Variants in CADM2 observed in about 807,000 individuals in gnomAD.
The protein encoded by CADM2 is cell adhesion molecule 2.
CADM2 carries 12 observed loss-of-function variants against 49.8 expected under a neutral mutation model. The observed-to-expected ratio is 0.24, with a 90% CI of 0.15 to 0.39. The LOEUF is 0.39. CADM2 is among the 10% of genes least tolerant of loss of function. The pLI is 1.00. For missense variants in CADM2, 378 were observed against 492.3 expected, an observed-to-expected ratio of 0.77 and a Z score of 2.20; for synonymous variants, 214 against 175.4, an observed-to-expected ratio of 1.22 and a Z score of -1.74.
At chr3:85,729,274 CT>C (rs1277345236) in intron 2 of CADM2, among the ~76,000 whole-genome samples, 2 of 152,106 alleles carry the variant, frequency 1.3e-5, no homozygotes, top group African/African-American at 2.4e-5. Flanking sequence ...TTCAGGTTGT[CT>C]TTGATTCTTG....
chr3:85,926,347 C>T (rs1471386791), intron 6 of CADM2, among the ~76,000 whole-genome samples: 1 of 151,960 alleles, frequency 6.6e-6, no homozygotes, highest in Admixed American at 6.6e-5. Flanking sequence ...AATTGCTATT[C>T]TCCGTTCCTC....
At chr3:85,689,318 AT>A (rs1359249869) in intron 1 of CADM2, among the ~76,000 whole-genome samples, 3 of 152,194 alleles carry the variant, frequency 2.0e-5, no homozygotes, top group African/African-American at 7.2e-5. Context: ...ATTGTATATA[AT>A]TTTTATCTCT....
At chr3:85,106,275 G>A (rs2038222933) in intron 1 of CADM2, among the ~76,000 whole-genome samples, 1 of 152,040 alleles carries the variant, frequency 6.6e-6, no homozygotes, top group Admixed American at 6.6e-5. Context: ...TGTGAATGGG[G>A]CAGATGAAAG....
chr3:85,458,104 C>T (rs559586768), intron 1 of CADM2, among the ~76,000 whole-genome samples: 16 of 152,276 alleles, frequency 1.1e-4, no homozygotes, highest in African/African-American at 3.1e-4. Context: ...AGGAAGCAAA[C>T]GCTTGTTCTT....
intron 8 of CADM2, among the ~76,000 whole-genome samples, chr3:86,050,069 T>A (rs981223700): frequency 2.0e-5 from 3 of 152,186 alleles, no homozygotes; most frequent in Admixed American, 1.3e-4. Context: ...AAGTCTCTTC[T>A]GCCTATGAGC....
chr3:85,118,652 C>T (rs530294118), intron 1 of CADM2, among the ~76,000 whole-genome samples: 1 of 152,242 alleles, frequency 6.6e-6, no homozygotes, highest in East Asian at 1.9e-4. Context: ...AGCTACAATT[C>T]AAGACAAGAT....
chr3:85,005,254 A>G (rs1413551547), intron 1 of CADM2, among the ~76,000 whole-genome samples: 1 of 152,166 alleles, frequency 6.6e-6, no homozygotes, highest in Non-Finnish European at 1.5e-5. Context: ...CTGCTACTTT[A>G]GCAGGAAAAC....
At chr3:85,895,887 C>T (rs1715151398) in intron 5 of CADM2, among the ~76,000 whole-genome samples, 1 of 152,168 alleles carries the variant, frequency 6.6e-6, no homozygotes, top group Admixed American at 6.5e-5. Flanking sequence ...CCTCCCCAGC[C>T]ATATGGAACT....
chr3:85,130,164 T>C (rs57628546), intron 1 of CADM2, among the ~76,000 whole-genome samples: 11,247 of 152,246 alleles, frequency 0.074, 1,404 homozygotes, highest in African/African-American at 0.26. Context: ...TGAGACTGGG[T>C]TTACAGTAAT....
At chr3:85,370,860 T>G (rs1193494314) in intron 1 of CADM2, among the ~76,000 whole-genome samples, 1 of 152,150 alleles carries the variant, frequency 6.6e-6, no homozygotes, top group Non-Finnish European at 1.5e-5. Flanking sequence ...AAAGAAGTGA[T>G]GCTGATGATG....
intron 5 of CADM2, among the ~76,000 whole-genome samples, chr3:85,894,568 T>A (rs1220375331): frequency 6.6e-6 from 1 of 152,056 alleles, no homozygotes; most frequent in Non-Finnish European, 1.5e-5. Context: ...AGGAGCCAAA[T>A]GTTAATCACC....
intron 2 of CADM2, among the ~76,000 whole-genome samples, chr3:85,763,900 A>G (rs1000065943): frequency 6.6e-6 from 1 of 151,966 alleles, no homozygotes; most frequent in Admixed American, 6.6e-5. Flanking sequence ...ATCCCTTTTT[A>G]CATTCAGCCT....
At chr3:85,255,243 G>A (rs566206977) in intron 1 of CADM2, among the ~76,000 whole-genome samples, 5 of 152,076 alleles carry the variant, frequency 3.3e-5, no homozygotes, top group African/African-American at 1.2e-4. Context: ...TTATAATACA[G>A]AATCTGGTGT....
intron 2 of CADM2, among the ~76,000 whole-genome samples, chr3:85,775,144 A>T (rs991781770): frequency 6.6e-6 from 1 of 151,786 alleles, no homozygotes; most frequent in Non-Finnish European, 1.5e-5. Flanking sequence ...AATATTTAAC[A>T]TACTTAAGGT....
intron 1 of CADM2, among the ~76,000 whole-genome samples, chr3:85,215,457 T>C (rs1217243191): frequency 6.6e-6 from 1 of 150,980 alleles, no homozygotes; most frequent in African/African-American, 2.4e-5. Context: ...TCATGGGAGG[T>C]TGAAGTCCTT....
At chr3:85,656,742 T>A (rs912715386) in intron 1 of CADM2, among the ~76,000 whole-genome samples, 7 of 152,212 alleles carry the variant, frequency 4.6e-5, no homozygotes, top group African/African-American at 7.2e-5. Flanking sequence ...CTGTGCTCTA[T>A]CTTTTCCTAC....
chr3:85,259,554 T>C (rs1210614368), intron 1 of CADM2, among the ~76,000 whole-genome samples: 1 of 152,138 alleles, frequency 6.6e-6, no homozygotes, highest in Non-Finnish European at 1.5e-5. Context: ...TATTTTCCTT[T>C]AAACATTTAC....
intron 1 of CADM2, among the ~76,000 whole-genome samples, chr3:85,337,201 G>A (rs1004681861): frequency 4.0e-5 from 6 of 150,174 alleles, no homozygotes; most frequent in Non-Finnish European, 8.9e-5. Flanking sequence ...TTAAATTGCA[G>A]CATCTTTAAA....
chr3:85,930,284 T>A (rs1484884867), intron 6 of CADM2, among the ~76,000 whole-genome samples: 1 of 152,240 alleles, frequency 6.6e-6, no homozygotes, highest in East Asian at 1.9e-4. Context: ...GTGTGCAATA[T>A]ACATTTAAAA....
Sources: gnomAD v4.1 joint callset for allele counts (sites outside exome capture counted in the v4.1 genomes callset) on GRCh38, gnomAD v4.1.1 for gene constraint, MANE v1.5 for transcripts, NCBI Gene and HGNC (gene_info 2026-07-23, HGNC 2026-07-21) for gene names.